The following MTOR variants were observed in gnomAD, a reference collection of about 807,000 sequenced individuals.
The protein encoded by MTOR is mechanistic target of rapamycin kinase.
In MTOR, 70 loss-of-function variants were observed where a neutral mutation model predicts 319.8. The ratio of observed to expected loss-of-function variants is 0.22; its 90% CI spans 0.18 to 0.27. MTOR has a LOEUF of 0.27. MTOR is among the 10% of genes least tolerant of loss of function. The pLI is 1.00. For missense variants in MTOR, 1,890 were observed against 3,274.4 expected (o/e 0.58, Z 10.32); for synonymous variants, 1,183 against 1,211.4 (o/e 0.98, Z 0.49).
intron 36 of MTOR, 29 bp from the exon 37 acceptor site, chr1:11,134,495 A>G: frequency 6.2e-7 from 1 of 1,606,684 alleles, no homozygotes; most frequent in Non-Finnish European, 8.5e-7. Flanking sequence ...ACAGAGAGCC[A>G]CTTGGCTTGT....
intron 28 of MTOR, among the ~76,000 whole-genome samples, chr1:11,185,499 G>A (rs186042923): frequency 6.6e-6 from 1 of 152,130 alleles, no homozygotes; most frequent in African/African-American, 2.4e-5. Flanking sequence ...CTAGCTACTC[G>A]GGAGGCTGAG....
chr1:11,189,352 T>G (rs1284010712), intron 28 of MTOR: 1 of 517,872 alleles, frequency 1.9e-6, no homozygotes, highest in Non-Finnish European at 3.4e-6. Flanking sequence ...TTGTGGAGCA[T>G]TCGGGCTTGG....
intron 30 of MTOR, among the ~76,000 whole-genome samples, chr1:11,154,683 A>G (rs768633278): frequency 3.3e-5 from 5 of 152,116 alleles, no homozygotes; most frequent in Non-Finnish European, 7.4e-5. Context: ...ATCCCTACAA[A>G]AAATAATTTA....
rs1163631941 is a variant in MTOR, at chr1:11,243,179, C to T, written c.1347G>A (p.Lys449=). The T allele has an allele frequency of 6.2e-7, 1 of 1,614,158 alleles. No individual in the cohort carries two copies. ...LLSVAVRSEF[K]VYLPRVLDII... ...TGTCCAGCACGCGAGGCAAATAGAC[C>T]TTAAACTCAGACCTCACAGCCACAG... The change falls in exon 9 of 58, where the codon AAG becomes AAA. Residue 449 remains lysine (K), a synonymous_variant. Coordinates refer to ENST00000361445, the MANE Select transcript of MTOR (RefSeq NM_004958.4).
intron 25 of MTOR, among the ~76,000 whole-genome samples, chr1:11,206,767 C>T (rs1646151175): frequency 6.6e-6 from 1 of 152,182 alleles, no homozygotes; most frequent in South Asian, 2.1e-4. Context: ...GCCATCCACC[C>T]ACTGCTGATC....
intron 2 of MTOR, 22 bp from the exon 3 acceptor site, chr1:11,258,615 G>A (rs1401048642): frequency 1.3e-6 from 2 of 1,559,464 alleles, no homozygotes; most frequent in Non-Finnish European, 1.8e-6. Flanking sequence ...GATATAATCA[G>A]AACAATTTCT....
At chr1:11,213,757 T>G (rs1646383441) in intron 20 of MTOR, among the ~76,000 whole-genome samples, 191 bp from the exon 21 acceptor site, 1 of 152,118 alleles carries the variant, frequency 6.6e-6, no homozygotes, top group Non-Finnish European at 1.5e-5. Context: ...CAAACTCAAT[T>G]GCATTTCCCC....
At chr1:11,253,156 T>C (rs1474139584) in intron 6 of MTOR, among the ~76,000 whole-genome samples, 1 of 152,194 alleles carries the variant, frequency 6.6e-6, no homozygotes, top group African/African-American at 2.4e-5. Context: ...CAGGGTCAGA[T>C]GTGCATTGTG....
chr1:11,247,287 C>A (rs1279138748), intron 8 of MTOR, among the ~76,000 whole-genome samples: 5 of 152,154 alleles, frequency 3.3e-5, no homozygotes, highest in Non-Finnish European at 7.4e-5. Context: ...ATCCCCAAAC[C>A]CTCCCTGACT....
intron 46 of MTOR, among the ~76,000 whole-genome samples, chr1:11,126,381 C>G (rs1642838901): frequency 6.6e-6 from 1 of 152,220 alleles, no homozygotes; most frequent in Non-Finnish European, 1.5e-5. Flanking sequence ...CCTTGCATGC[C>G]TTTGTCATTC....
chr1:11,118,409 G>A (rs1006410811), intron 49 of MTOR, among the ~76,000 whole-genome samples: 1 of 150,732 alleles, frequency 6.6e-6, no homozygotes, highest in Admixed American at 6.6e-5. Flanking sequence ...GCTAATTTTT[G>A]TATTTTTAGT....
intron 29 of MTOR, 45 bp downstream of exon 29, chr1:11,167,397 C>T (rs1644680947): frequency 2.0e-6 from 3 of 1,510,434 alleles, no homozygotes; most frequent in Admixed American, 1.7e-5. Flanking sequence ...AACTCCCTAG[C>T]CAAGTCTCTA....
chr1:11,116,257 T>C (rs1384525079), intron 50 of MTOR, among the ~76,000 whole-genome samples: 2 of 152,252 alleles, frequency 1.3e-5, no homozygotes, highest in Non-Finnish European at 2.9e-5. Context: ...ATGATTTATC[T>C]TAGCACAGTG....
intron 10 of MTOR, 25 bp downstream of exon 10, chr1:11,241,528 G>C: frequency 6.3e-7 from 1 of 1,599,244 alleles, no homozygotes; most frequent in Non-Finnish European, 8.5e-7. Flanking sequence ...CTGATACAGG[G>C]CAAGCTCAGG....
At chr1:11,155,346 G>C (rs1309781369) in intron 30 of MTOR, among the ~76,000 whole-genome samples, 1 of 152,068 alleles carries the variant, frequency 6.6e-6, no homozygotes, top group Non-Finnish European at 1.5e-5. Flanking sequence ...CCCTGTGATG[G>C]GGGTCAGGAT....
chr1:11,118,834 C>A (rs1439480811), intron 49 of MTOR, among the ~76,000 whole-genome samples: 1 of 152,002 alleles, frequency 6.6e-6, no homozygotes, highest in Non-Finnish European at 1.5e-5. Flanking sequence ...CGACGCTGCC[C>A]AGGCTGGTCT....
chr1:11,142,621 T>G (rs1018521788), intron 34 of MTOR, among the ~76,000 whole-genome samples: 2 of 152,080 alleles, frequency 1.3e-5, no homozygotes, highest in Non-Finnish European at 2.9e-5. Flanking sequence ...TTCATCCTTG[T>G]TGATAAGAAG....
chr1:11,107,606 A>G, intron 57 of MTOR, 106 bp from the exon 58 acceptor site: 1 of 1,220,804 alleles, frequency 8.2e-7, no homozygotes, highest in Non-Finnish European at 1.2e-6. Context: ...ACCCTAGGGT[A>G]TTCCCTGAGC....
chr1:11,109,623 T>A lies in MTOR; in HGVS notation c.7447+26A>T, dbSNP rs1212049357. ...ATTTTCTTAATGAGCTAGTCACTGG[T>A]GCGGTTCCTCAGAGGCTGAACTTAC... On this transcript the variant is annotated intron_variant, in intron 55 of 57. Transcript: ENST00000361445. The surrounding 1 kb of genome is among the most constrained non-coding windows in gnomAD (Gnocchi z 4.0). The A allele has an allele frequency of 1.2e-6, 2 of 1,604,000 alleles. No homozygotes were observed. Among genetic ancestry groups the A allele is most frequent in the Admixed American group, 1.7e-5 (1 of 59,978 alleles).
Sources: allele counts gnomAD v4.1 joint callset (sites outside exome capture counted in the v4.1 genomes callset), GRCh38; gene constraint gnomAD v4.1.1; non-coding constraint Gnocchi (gnomAD v3.1); transcripts MANE v1.5; gene names NCBI Gene and HGNC (gene_info 2026-07-23, HGNC 2026-07-21).